USH1C: variants seen among roughly 807,000 people sequenced by gnomAD.
USH1C encodes USH1 protein network component harmonin.
In USH1C, 90 loss-of-function variants were observed where a neutral mutation model predicts 119.3. The observed-to-expected ratio is 0.75, with a 90% CI of 0.64 to 0.90. The LOEUF (loss-of-function observed/expected upper bound fraction) is 0.90. Among genes scored for constraint, USH1C ranks in the 40% least tolerant of loss-of-function variants. USH1C has a pLI of 0.00. For synonymous variants in USH1C, 465 were observed against 443.3 expected (o/e 1.05, Z -0.62); for missense variants, 1,165 against 1,167.7 (o/e 1.00, Z 0.03).
At position 17,531,489 on chromosome 11, in the gene USH1C, G is replaced by T; in HGVS notation, c.158C>A (p.Pro53His). 1.2e-6 allele frequency: 2 copies of T among 1,613,970 alleles called. No individual in the cohort carries two copies. Among genetic ancestry groups the T allele is most frequent in the Non-Finnish European group, 1.7e-6 (2 of 1,180,036 alleles). ...GGCATCAAACAGAGGCAGACGGCTG[G>T]GTTCATTGATGACCAGCTTCAGGTC... ...VGDLKLVINEPSRLPLFDAIR... is the reference protein window; with the variant it reads ...VGDLKLVINEHSRLPLFDAIR... Residue 53 changes from proline (P) to histidine (H), a missense_variant, in exon 3 of 27, where the codon CCC becomes CAC. Physicochemically the swap from Pro to His is moderately conservative, Grantham distance 77. Coordinates refer to ENST00000005226, the MANE Select transcript of USH1C (RefSeq NM_153676.4). This position sits in a 1 kb window ranked among gnomAD's most constrained non-coding sequence, Gnocchi z 4.2.
At chr11:17,518,705 A>G (rs1395239670) in intron 14 of USH1C, among the ~76,000 whole-genome samples, 1 of 152,192 alleles carries the variant, frequency 6.6e-6, no homozygotes, top group Non-Finnish European at 1.5e-5. Flanking sequence ...GAGATGCCCC[A>G]TGCTCTTTTA....
At chr11:17,500,804 G>A (rs769237941) in intron 23 of USH1C, among the ~76,000 whole-genome samples, 6 of 152,074 alleles carry the variant, frequency 3.9e-5, no homozygotes, top group South Asian at 4.2e-4. Flanking sequence ...TTCTGAGTCC[G>A]TCTCCCACCC....
At chr11:17,523,541 G>A (rs1281562970) in intron 9 of USH1C, 63 bp from the exon 10 acceptor site, 1 of 1,560,260 alleles carries the variant, frequency 6.4e-7, no homozygotes, top group East Asian at 2.2e-5. Context: ...TCATCTGCAG[G>A]ACAGGCTCCC....
At position 17,531,112 on chromosome 11, in the gene USH1C, C is replaced by T; in HGVS notation, c.387+42G>A. ...GATGAATGAGGGGGAGGCAGGAGGT[C>T]CGAGGCCCTCGCTCCCCCTCCCCCG... On this transcript the variant is annotated intron_variant, in intron 4 of 26. Coordinates refer to ENST00000005226, the MANE Select transcript of USH1C (RefSeq NM_153676.4). The surrounding 1 kb of genome is among the most constrained non-coding windows in gnomAD (Gnocchi z 4.2). 1.9e-6 allele frequency: 3 copies of T among 1,612,892 alleles called. No individual in the cohort carries two copies. The highest frequency in any genetic ancestry group is 1.7e-6 in the Non-Finnish European group (2 of 1,179,814).
chr11:17,498,417 G>A (rs1363874717), intron 23 of USH1C, 146 bp from the exon 24 acceptor site: 1 of 801,498 alleles, frequency 1.2e-6, no homozygotes, highest in Non-Finnish European at 2.2e-6. Flanking sequence ...AAAGCATGAG[G>A]GGAAACTAGC....
Position 17,531,593 on chromosome 11 carries a change from G to C in USH1C, c.105-51C>G, listed in dbSNP as rs1850989832. The C allele has an allele frequency of 6.2e-7, 1 of 1,605,042 alleles. No homozygotes were observed. Among genetic ancestry groups the C allele is most frequent in the African/African-American group, 1.3e-5 (1 of 74,804 alleles). On this transcript the variant is annotated intron_variant, in intron 2 of 26. Transcript: ENST00000005226. This position sits in a 1 kb window ranked among gnomAD's most constrained non-coding sequence, Gnocchi z 4.2. ...AGCCTCACCCCTGGCCATGACCTCA[G>C]GCACCCAGGGATTCCAAGAGGAAGC... is the stretch of plus-strand genomic sequence containing the variant.
At chr11:17,528,418 T>C (rs1161723560) in intron 4 of USH1C, among the ~76,000 whole-genome samples, 1 of 152,224 alleles carries the variant, frequency 6.6e-6, no homozygotes, top group Non-Finnish European at 1.5e-5. Context: ...AGATAACAGC[T>C]GAAGCTGAAG....
intron 1 of USH1C, among the ~76,000 whole-genome samples, chr11:17,543,648 C>A (rs1851567355): frequency 6.6e-6 from 1 of 152,188 alleles, no homozygotes; most frequent in East Asian, 1.9e-4. Context: ...AGGGTGGACC[C>A]GGCTCTGCCT....
chr11:17,521,210 T>A, intron 13 of USH1C, 136 bp downstream of exon 13: 1 of 1,088,138 alleles, frequency 9.2e-7, no homozygotes, highest in East Asian at 2.4e-5. Context: ...TGACAGGCTT[T>A]ACTACAAATA....
At chr11:17,526,601 G>C in intron 7 of USH1C, 152 bp downstream of exon 7, 3 of 1,122,422 alleles carry the variant, frequency 2.7e-6, no homozygotes, top group Non-Finnish European at 4.0e-6. Flanking sequence ...CTGGCCGAGG[G>C]CTGCTGCCCC....
chr11:17,512,185 C>G, intron 15 of USH1C, 131 bp from the exon 16 acceptor site: 1 of 1,026,724 alleles, frequency 9.7e-7, no homozygotes, highest in Admixed American at 1.8e-5. Context: ...TCTCACCACT[C>G]TGGACATCAG....
chr11:17,534,194 G>T (rs112866274), intron 1 of USH1C, among the ~76,000 whole-genome samples: 40 of 152,238 alleles, frequency 2.6e-4, no homozygotes, highest in African/African-American at 9.4e-4. Context: ...TCCCGGCCCA[G>T]GGCCTCAGCC....
rs200319849 is a variant in USH1C at position 17,526,763 on chromosome 11, G to A, written c.569C>T (p.Ser190Leu). Residue 190 changes from serine (S) to leucine (L), a missense_variant, in exon 7 of 27, where the codon TCG becomes TTG. By Grantham distance (145) the Ser-to-Leu change is moderately radical (BLOSUM62 -2). Transcript: ENST00000005226. ...LTWQYVDQFV[S>L]ESGGVRGSLG... ...AGGTCTGGCCCTTACCCCAGATTCC[G>A]ACACAAACTGATCCACATACTGCCA... 1.9e-6 allele frequency: 3 copies of A among 1,614,066 alleles called. No homozygotes were observed. Among genetic ancestry groups the A allele is most frequent in the South Asian group, 1.1e-5 (1 of 91,048 alleles).
intron 4 of USH1C, 28 bp from the exon 5 acceptor site, chr11:17,527,359 C>T (rs558372430): frequency 1.9e-6 from 3 of 1,565,488 alleles, no homozygotes; most frequent in African/African-American, 1.4e-5. Flanking sequence ...GCAGGGAGCA[C>T]CAGGTGGAGG....
intron 13 of USH1C, 102 bp downstream of exon 13, chr11:17,521,244 G>C: frequency 1.6e-6 from 2 of 1,272,228 alleles, no homozygotes; most frequent in East Asian, 2.3e-5. Flanking sequence ...CAGGGGATGA[G>C]AGAACCAGGT....
At chr11:17,504,491 G>A (rs111716988) in intron 20 of USH1C, among the ~76,000 whole-genome samples, 156 bp downstream of exon 20, 107 of 152,274 alleles carry the variant, frequency 7.0e-4, no homozygotes, top group African/African-American at 2.4e-3. Context: ...CCACCCCTGC[G>A]CAGGCAATGG....
chr11:17,494,577 C>T (rs566385867), intron 26 of USH1C: 19 of 635,500 alleles, frequency 3.0e-5, no homozygotes, highest in Non-Finnish European at 5.1e-5. Context: ...AGGGAGAAAG[C>T]GGGAGGGACA....
At chr11:17,528,673 T>G (rs957116129) in intron 4 of USH1C, among the ~76,000 whole-genome samples, 3 of 152,216 alleles carry the variant, frequency 2.0e-5, no homozygotes, top group Non-Finnish European at 4.4e-5. Flanking sequence ...GGGCAACTCC[T>G]GCCCTCTACA....
rs187039425 is a variant in USH1C, at chr11:17,509,951, C to T, written c.1531-113G>A. 4.3e-5 allele frequency: 56 copies of T among 1,298,558 alleles called. No homozygotes were observed. The African/African-American group carries it at 5.8e-4, about 14-fold the overall frequency. 80.4% of individuals were successfully genotyped at this position (1,298,558 alleles called of 1,614,324 possible). A position where few individuals can be genotyped will look rare whatever the true frequency, so the allele number is the denominator to read the frequency against. ...GTTTCTCTTGCTACTGGAGACCCAC[C>T]ACCCTTACATCAGAACCATGGGGCG... On this transcript the variant is annotated intron_variant, in intron 17 of 26. Transcript: ENST00000005226.
Sources: gnomAD v4.1 joint callset for allele counts (sites outside exome capture counted in the v4.1 genomes callset) on GRCh38, gnomAD v4.1.1 for gene constraint, Gnocchi (gnomAD v3.1) non-coding constraint, MANE v1.5 for transcripts, NCBI Gene and HGNC (gene_info 2026-07-23, HGNC 2026-07-21) for gene names.